Variants in CHID1 observed in about 807,000 individuals in gnomAD.
The protein encoded by CHID1 is chitinase domain containing 1, also known as chitinase domain-containing protein 1.
In CHID1, 44 loss-of-function variants were observed where a neutral mutation model predicts 55.4. The ratio of observed to expected loss-of-function variants is 0.79; its 90% CI spans 0.62 to 1.02. The LOEUF is 1.02. Among genes scored for constraint, CHID1 ranks in the 50% least tolerant of loss-of-function variants. The pLI, the probability that CHID1 is intolerant of heterozygous loss-of-function variation, is 0.00. For synonymous variants in CHID1, 216 were observed against 212.9 expected (o/e 1.01, Z -0.13); for missense variants, 491 against 515.3 (o/e 0.95, Z 0.46).
chr11:883,227 T>C lies in CHID1; in HGVS notation c.880A>G (p.Lys294Glu). The C allele has an allele frequency of 6.2e-7, 1 of 1,614,226 alleles. No homozygotes were observed. Among genetic ancestry groups the C allele is most frequent in the Non-Finnish European group, 8.5e-7 (1 of 1,180,020 alleles). The change falls in exon 10 of 13, where the codon AAA (lysine) becomes GAA (glutamate). Residue 294 changes from lysine (K) to glutamate (E), a missense_variant. By Grantham distance (56) the Lys-to-Glu change is moderately conservative. Transcript: ENST00000323578. ...TAGAAGTTGAGCCCCAGGAGGATTT[T>C]GCTTCGCCACTTGGACTTCGGGTCC... ...VLDPKSKWRSKILLGLNFYGM... is the reference protein window; with the variant it reads ...VLDPKSKWRSEILLGLNFYGM...
chr11:883,384 G>A (rs118089363), intron 9 of CHID1, 81 bp from the exon 10 acceptor site: 45,368 of 1,389,638 alleles, frequency 0.033, 857 homozygotes, highest in Non-Finnish European at 0.039. Flanking sequence ...CCACTGAGGG[G>A]TGCATCCTCC....
intron 8 of CHID1, among the ~76,000 whole-genome samples, chr11:892,568 C>T (rs1376557708): frequency 1.3e-5 from 2 of 152,244 alleles, no homozygotes; most frequent in African/African-American, 2.4e-5. Flanking sequence ...CTAGCAACTG[C>T]GCTGTGCTGG....
At chr11:883,751 C>T (rs963710077) in intron 9 of CHID1, among the ~76,000 whole-genome samples, 1 of 152,252 alleles carries the variant, frequency 6.6e-6, no homozygotes, top group Non-Finnish European at 1.5e-5. Flanking sequence ...GCCTGTGTCA[C>T]ACGGCCCTCC....
At chr11:878,507 G>A (rs999602156) in intron 10 of CHID1, among the ~76,000 whole-genome samples, 10 of 151,732 alleles carry the variant, frequency 6.6e-5, no homozygotes, top group Admixed American at 2.6e-4. Context: ...AGGATGCGGT[G>A]AGCCAAGATC....
At chr11:893,331 A>G (rs1487083907) in intron 8 of CHID1, 96 bp downstream of exon 8, 1 of 948,790 alleles carries the variant, frequency 1.1e-6, no homozygotes, top group African/African-American at 1.6e-5. Flanking sequence ...GGTGCTGAGC[A>G]GGAGGGCCTG....
intron 1 of CHID1, among the ~76,000 whole-genome samples, chr11:910,454 T>C (rs1358705854): frequency 6.6e-6 from 1 of 151,916 alleles, no homozygotes; most frequent in East Asian, 1.9e-4. Flanking sequence ...CGCGCCTAGC[T>C]CTCAGGCTTG....
upstream of CHID1, chr11:914,853 T>G (rs1283008609): frequency 6.0e-6 from 2 of 331,062 alleles, no homozygotes; most frequent in Non-Finnish European, 1.2e-5. Flanking sequence ...TCTGGGCGAC[T>G]CCTCATTTGC....
At chr11:870,089 TC>T (rs748378823) in intron 12 of CHID1, 31 bp downstream of exon 12, 1 of 1,611,192 alleles carries the variant, frequency 6.2e-7, no homozygotes, top group Non-Finnish European at 8.5e-7. Context: ...GGCCCACCCC[TC>T]CCCCGGTCCC....
chr11:899,468 G>T, intron 6 of CHID1, 67 bp from the exon 7 acceptor site: 1 of 1,439,820 alleles, frequency 6.9e-7, no homozygotes. Context: ...AAGACAAGAA[G>T]CCCGCCACCT....
At position 910,094 on chromosome 11, in the gene CHID1, C is replaced by A. The variant is rs143919400; in HGVS notation, c.-44+681G>T. 4.3e-3 allele frequency among the ~76,000 whole-genome samples: 653 copies of A among 152,078 alleles called. 5 individuals carry two copies. The highest frequency in any genetic ancestry group is 7.2e-3 in the Non-Finnish European group (487 of 68,000). ...AAAAATTCTTAGCTGAGTGCGCTGG[C>A]GCACACCTGTAGTCCCAAGTAGCTA... is the stretch of plus-strand genomic sequence containing the variant. On this transcript the variant is annotated intron_variant, in intron 1 of 12. Transcript: ENST00000323578.
At chr11:883,009 TG>T in intron 10 of CHID1, 138 bp downstream of exon 10, 1 of 974,682 alleles carries the variant, frequency 1.0e-6, no homozygotes, top group East Asian at 2.4e-5. Context: ...GACCGGCTCC[TG>T]GCCCAGCCCC....
rs758620003 is a variant in CHID1 at position 883,291 on chromosome 11, A to C, written c.816T>G (p.Asn272Lys). 35 of 1,612,944 alleles carry C rather than the reference A, an allele frequency of 2.2e-5. No homozygotes were observed. The South Asian group carries it at 3.1e-4, about 14-fold the overall frequency. Residue 272 changes from asparagine to lysine, a missense_variant, in exon 10 of 13, where the codon AAT (asparagine) becomes AAG (lysine). By Grantham distance (94) the Asn-to-Lys change is moderately conservative. Coordinates refer to ENST00000323578, the MANE Select transcript of CHID1 (RefSeq NM_023947.4). ...DYSTAHQPGP[N>K]APLSWVRACV... The stretch of plus-strand genomic sequence containing the variant: ...AGGCTCGAACCCAGGACAGGGGTGC[A>C]TTAGGGCCAGGCCTGCAGGGCAAGG...
At chr11:885,120 G>A (rs937619836) in intron 8 of CHID1, among the ~76,000 whole-genome samples, 3 of 152,234 alleles carry the variant, frequency 2.0e-5, no homozygotes, top group Non-Finnish European at 4.4e-5. Context: ...GAAGTGAGGG[G>A]AGGGGGTCCC....
upstream of CHID1, chr11:910,854 C>T (rs947038629): frequency 1.8e-6 from 2 of 1,086,964 alleles, no homozygotes; most frequent in African/African-American, 1.7e-5. Context: ...GCCCCAGGCG[C>T]CCGCGCGCCG....
At chr11:887,997 C>A (rs1850521429) in intron 8 of CHID1, among the ~76,000 whole-genome samples, 2 of 152,246 alleles carry the variant, frequency 1.3e-5, no homozygotes, top group South Asian at 2.1e-4. Flanking sequence ...AAATGCAGCT[C>A]CACGACATCC....
intron 10 of CHID1, among the ~76,000 whole-genome samples, chr11:878,127 C>T (rs1849643400): frequency 6.6e-6 from 1 of 152,216 alleles, no homozygotes. Context: ...AAGAAATAAA[C>T]TCCTGTCTGG....
intron 1 of CHID1, among the ~76,000 whole-genome samples, chr11:906,736 A>C (rs1852247720): frequency 6.6e-6 from 1 of 152,204 alleles, no homozygotes; most frequent in South Asian, 2.1e-4. Context: ...AAGAAACAAA[A>C]CAAAAAAGTA....
chr11:912,201 C>G (rs1050800890), upstream of CHID1, among the ~76,000 whole-genome samples: 13 of 152,184 alleles, frequency 8.5e-5, no homozygotes, highest in Admixed American at 2.0e-4. Context: ...GCCTGTAATC[C>G]CAGCTCCTGG....
chr11:897,249 G>A (rs910301044), intron 7 of CHID1, among the ~76,000 whole-genome samples: 2 of 149,760 alleles, frequency 1.3e-5, no homozygotes, highest in African/African-American at 2.5e-5. Context: ...AGCACCCCCA[G>A]CCTCCACCCC....
Sources: gnomAD v4.1 joint callset for allele counts (sites outside exome capture counted in the v4.1 genomes callset) on GRCh38, gnomAD v4.1.1 for gene constraint, MANE v1.5 for transcripts, NCBI Gene and HGNC (gene_info 2026-07-23, HGNC 2026-07-21) for gene names.